The following MARVELD1 variants were observed in gnomAD, a reference collection of about 807,000 sequenced individuals.
MARVELD1 encodes MARVEL domain-containing protein 1.
A neutral mutation model predicts 11.3 loss-of-function variants in MARVELD1; 7 were observed. That is an observed-to-expected ratio of 0.62 (90% confidence interval 0.35 to 1.16). The LOEUF (loss-of-function observed/expected upper bound fraction) is 1.16. Ranked by LOEUF, MARVELD1 falls within the 50% of genes most tolerant of loss-of-function variation. The pLI is 0.02. For synonymous variants in MARVELD1, 119 were observed against 121.4 expected (o/e 0.98, Z 0.13); for missense variants, 216 against 243.8 (o/e 0.89, Z 0.76).
rs921322287 is a variant in MARVELD1, at chr10:97,714,570, C to A, written c.*172C>A. 1 of 509,308 alleles carries A rather than the reference C, an allele frequency of 2.0e-6. No homozygotes were observed. Among genetic ancestry groups the A allele is most frequent in the Admixed American group, 4.2e-5 (1 of 23,780 alleles). 31.5% of individuals were successfully genotyped at this position (509,308 alleles called of 1,614,324 possible). On this transcript the variant is annotated 3_prime_UTR_variant, in exon 1 of 2. Coordinates refer to ENST00000285605, the MANE Select transcript of MARVELD1 (RefSeq NM_031484.4). The surrounding 1 kb of genome is among the most constrained non-coding windows in gnomAD (Gnocchi z 7.4). The stretch of plus-strand genomic sequence containing the variant: ...CGGGAACCCTGACGCTCAGCTCCCG[C>A]CCGACGGCAGCGCCGCCGCCGCCCA...
At chr10:97,717,060 T>A (rs1304081211) in intron 1 of MARVELD1, 134 bp from the exon 2 acceptor site, 1 of 152,266 alleles carries the variant, frequency 6.6e-6, no homozygotes, top group Non-Finnish European at 1.5e-5. Flanking sequence ...CTCATGTCTG[T>A]AATCCCAGCA....
In MARVELD1 at chr10:97,714,144, C is replaced by T; in HGVS notation, c.268C>T (p.Leu90=). 1 of 1,536,974 alleles carries T rather than the reference C, an allele frequency of 6.5e-7. No individual in the cohort carries two copies. The highest frequency in any genetic ancestry group is 2.4e-5 in the East Asian group (1 of 40,864). The change falls in exon 1 of 2, where the codon CTG becomes TTG. Residue 90 remains leucine (L), a synonymous_variant. Coordinates refer to ENST00000285605, the MANE Select transcript of MARVELD1 (RefSeq NM_031484.4). This position sits in a 1 kb window ranked among gnomAD's most constrained non-coding sequence, Gnocchi z 7.4. ...GGGCAAGCACGAGCTGGTCCCCGTG[C>T]TGGGCTCGCGCTGGCTCATGGTCAA... ...LLGKHELVPV[L]GSRWLMVNVA...
Position 97,713,917 on chromosome 10 carries a change from G to C in MARVELD1, c.41G>C (p.Arg14Pro), listed in dbSNP as rs1481234767. 1 of 1,256,064 alleles carries C rather than the reference G, an allele frequency of 8.0e-7. No homozygotes were observed. The highest frequency in any genetic ancestry group is 1.6e-5 in the African/African-American group (1 of 62,274). 77.8% of individuals were successfully genotyped at this position (1,256,064 alleles called of 1,614,324 possible). A position where few individuals can be genotyped will look rare whatever the true frequency, so the allele number is the denominator to read the frequency against. Residue 14 changes from arginine (R) to proline (P), a missense_variant, in exon 1 of 2, where the codon CGT becomes CCT. Coordinates refer to ENST00000285605, the MANE Select transcript of MARVELD1 (RefSeq NM_031484.4). This position sits in a 1 kb window ranked among gnomAD's most constrained non-coding sequence, Gnocchi z 5.7. ...CCGCGCCAGCCGCCGCCCCAGGCGC[G>C]TGCGGCCCGCGGCGCGGTGCGCCTG... ...PPPRQPPPQA[R>P]AARGAVRLQR... is the part of the protein sequence containing the mutation.
At position 97,713,979 on chromosome 10, in the gene MARVELD1, C is replaced by T; in HGVS notation, c.103C>T (p.Arg35Trp). Residue 35 changes from arginine (R) to tryptophan (W), a missense_variant, in exon 1 of 2, where the codon CGG (arginine) becomes TGG (tryptophan). Coordinates refer to ENST00000285605, the MANE Select transcript of MARVELD1 (RefSeq NM_031484.4). This position sits in a 1 kb window ranked among gnomAD's most constrained non-coding sequence, Gnocchi z 5.7. ...PFLRSPLGVL[R>W]LLQLLAGAAF... ...CCTGCGCAGCCCGCTGGGCGTGTTG[C>T]GGCTGCTGCAGCTGCTGGCCGGCGC... 1.3e-6 allele frequency: 2 copies of T among 1,534,452 alleles called. No individual in the cohort carries two copies. Among genetic ancestry groups the T allele is most frequent in the East Asian group, 2.5e-5 (1 of 40,772 alleles).
In MARVELD1 at chr10:97,714,215, C is replaced by T. The variant is rs999515553; in HGVS notation, c.339C>T (p.Thr113=). 16 of 1,536,784 alleles carry T rather than the reference C, an allele frequency of 1.0e-5. No homozygotes were observed. The African/African-American group carries it at 2.1e-4, about 20-fold the overall frequency. Residue 113 remains threonine (T), a synonymous_variant, in exon 1 of 2, where the codon ACC becomes ACT. Transcript: ENST00000285605. The surrounding 1 kb of genome is among the most constrained non-coding windows in gnomAD (Gnocchi z 7.4). ...VLAAALYGAA[T]GIMSDQMQRH... is the part of the protein sequence containing the mutation. ...CGGCCGCGCTCTACGGCGCCGCCAC[C>T]GGCATCATGAGCGACCAGATGCAGC...
chr10:97,713,821 G>T lies in MARVELD1; in HGVS notation c.-56G>T. On this transcript the variant is annotated 5_prime_UTR_variant, in exon 1 of 2. Coordinates refer to ENST00000285605, the MANE Select transcript of MARVELD1 (RefSeq NM_031484.4). This position sits in a 1 kb window ranked among gnomAD's most constrained non-coding sequence, Gnocchi z 5.7. ...GGGCCGTGCTGCCCCCGCGAGCAAGGCGCCGCCATTCCGCTGCTCGGGGCG... is the reference window on the plus strand; with the variant it reads ...GGGCCGTGCTGCCCCCGCGAGCAAGTCGCCGCCATTCCGCTGCTCGGGGCG... The T allele has an allele frequency of 3.8e-6, 1 of 265,312 alleles. No individual in the cohort carries two copies. Among genetic ancestry groups the T allele is most frequent in the Non-Finnish European group, 5.8e-6 (1 of 172,970 alleles). The allele number at this position is 265,312 out of a possible 1,614,324, so 16.4% of individuals were successfully genotyped here. A position where few individuals can be genotyped will look rare whatever the true frequency, so the allele number is the denominator to read the frequency against.
At position 97,714,299 on chromosome 10, in the gene MARVELD1, G is replaced by T. The variant is rs968559664; in HGVS notation, c.423G>T (p.Leu141=). 1.2e-5 allele frequency: 19 copies of T among 1,536,162 alleles called. No homozygotes were observed. Among genetic ancestry groups the T allele is most frequent in the Admixed American group, 7.8e-5 (4 of 50,982 alleles). ...TCCCCTGCGCCTACCACGCCTTCCT[G>T]GCGGCCGCCGTCTGCGGCGGCGTCT... is the stretch of plus-strand genomic sequence containing the variant. ...YPLPCAYHAF[L]AAAVCGGVCH... The change falls in exon 1 of 2, where the codon CTG becomes CTT. Residue 141 remains leucine (L), a synonymous_variant. Transcript: ENST00000285605. This position sits in a 1 kb window ranked among gnomAD's most constrained non-coding sequence, Gnocchi z 7.4.
Position 97,714,168 on chromosome 10 carries a change from A to G in MARVELD1, c.292A>G (p.Asn98Asp). 1 of 1,536,650 alleles carries G rather than the reference A, an allele frequency of 6.5e-7. No individual in the cohort carries two copies. Among genetic ancestry groups the G allele is most frequent in the Non-Finnish European group, 8.7e-7 (1 of 1,146,630 alleles). ...PVLGSRWLMVNVAHDVLAAAL... is the reference protein window; with the variant it reads ...PVLGSRWLMVDVAHDVLAAAL... ...GCTGGGCTCGCGCTGGCTCATGGTC[A>G]ACGTGGCGCACGATGTGCTGGCGGC... The change falls in exon 1 of 2, where the codon AAC becomes GAC. Residue 98 changes from asparagine (N) to aspartate (D), a missense_variant. By Grantham distance (23) the Asn-to-Asp change is conservative (BLOSUM62 1). Transcript: ENST00000285605. The surrounding 1 kb of genome is among the most constrained non-coding windows in gnomAD (Gnocchi z 7.4).
rs1164527869 is a variant in MARVELD1, at chr10:97,714,777, G to C, written c.*379G>C. On this transcript the variant is annotated 3_prime_UTR_variant, in exon 1 of 2. Coordinates refer to ENST00000285605, the MANE Select transcript of MARVELD1 (RefSeq NM_031484.4). The surrounding 1 kb of genome is among the most constrained non-coding windows in gnomAD (Gnocchi z 7.4). Reference sequence around the variant, plus strand: ...GGACAGGGGCCGCGCAGATCCGGGGGAGGCTCCCAAATTGGAACCAGGCTT... The same window carrying C: ...GGACAGGGGCCGCGCAGATCCGGGGCAGGCTCCCAAATTGGAACCAGGCTT... 5.3e-6 allele frequency: 1 copy of C among 187,992 alleles called. No individual in the cohort carries two copies. The highest frequency in any genetic ancestry group is 1.1e-5 in the Non-Finnish European group (1 of 92,822). The allele number at this position is 187,992 out of a possible 1,614,324, so 11.6% of individuals were successfully genotyped here.
At position 97,714,520 on chromosome 10, in the gene MARVELD1, C is replaced by T; in HGVS notation, c.*122C>T. 1 of 715,404 alleles carries T rather than the reference C, an allele frequency of 1.4e-6. No individual in the cohort carries two copies. The highest frequency in any genetic ancestry group is 2.1e-6 in the Non-Finnish European group (1 of 469,732). 44.3% of individuals were successfully genotyped at this position (715,404 alleles called of 1,614,324 possible). ...GCCCTGGCACCCTCTCCCTGCCCTC[C>T]AGCGTTTCCACTGTCGCCCGCGCCC... On this transcript the variant is annotated 3_prime_UTR_variant, in exon 1 of 2. Transcript: ENST00000285605. This position sits in a 1 kb window ranked among gnomAD's most constrained non-coding sequence, Gnocchi z 7.4.
In MARVELD1 at chr10:97,715,041, C is replaced by G. The variant is rs938435734; in HGVS notation, c.*643C>G. 1.3e-5 allele frequency: 2 copies of G among 152,526 alleles called. No homozygotes were observed. The highest frequency in any genetic ancestry group is 4.8e-5 in the African/African-American group (2 of 41,460). 9.4% of individuals were successfully genotyped at this position (152,526 alleles called of 1,614,324 possible). On this transcript the variant is annotated 3_prime_UTR_variant, in exon 1 of 2. Coordinates refer to ENST00000285605, the MANE Select transcript of MARVELD1 (RefSeq NM_031484.4). Reference sequence around the variant, plus strand: ...CGGTTGTCTTGGGGTGGGGCCCATCCGCCGAGGTGGGGACCGATAGGAGAA... The same window carrying G: ...CGGTTGTCTTGGGGTGGGGCCCATCGGCCGAGGTGGGGACCGATAGGAGAA...
At position 97,715,094 on chromosome 10, in the gene MARVELD1, G is replaced by A. The variant is rs1193389969; in HGVS notation, c.*696G>A. 1 of 152,568 alleles carries A rather than the reference G, an allele frequency of 6.6e-6. No homozygotes were observed. Among genetic ancestry groups the A allele is most frequent in the African/African-American group, 2.4e-5 (1 of 41,460 alleles). The allele number at this position is 152,568 out of a possible 1,614,324, so 9.5% of individuals were successfully genotyped here. ...CGGTGGGTTGTACCCTTACACTTGT[G>A]GAGTCTCCTCTTGCCTCTACCTACT... On this transcript the variant is annotated 3_prime_UTR_variant, in exon 1 of 2. Transcript: ENST00000285605.
chr10:97,716,322 C>G (rs1028617952), intron 1 of MARVELD1, among the ~76,000 whole-genome samples: 4 of 152,034 alleles, frequency 2.6e-5, no homozygotes, highest in Non-Finnish European at 5.9e-5. Flanking sequence ...GTAGCTGGGA[C>G]TACAGGCACA....
Position 97,714,134 on chromosome 10 carries a change from G to C in MARVELD1, c.258G>C (p.Leu86=). The C allele has an allele frequency of 6.5e-7, 1 of 1,536,976 alleles. No individual in the cohort carries two copies. Among genetic ancestry groups the C allele is most frequent in the African/African-American group, 1.4e-5 (1 of 73,138 alleles). The stretch of plus-strand genomic sequence containing the variant: ...TCACGCTGCTGGGCAAGCACGAGCT[G>C]GTCCCCGTGCTGGGCTCGCGCTGGC... ...YFLTLLGKHE[L]VPVLGSRWLM... is the part of the protein sequence containing the mutation. Residue 86 remains leucine, a synonymous_variant, in exon 1 of 2, where the codon CTG becomes CTC. Coordinates refer to ENST00000285605, the MANE Select transcript of MARVELD1 (RefSeq NM_031484.4). This position sits in a 1 kb window ranked among gnomAD's most constrained non-coding sequence, Gnocchi z 7.4.
chr10:97,715,233 C>T lies in MARVELD1; in HGVS notation c.*835C>T. On this transcript the variant is annotated 3_prime_UTR_variant, in exon 1 of 2. Transcript: ENST00000285605. ...TTCCTCACAGGCTTCTGCCGCCCCC[C>T]TCATCTCCACCCTCCCCCATATCTG... is the stretch of plus-strand genomic sequence containing the variant. 6.6e-6 allele frequency: 1 copy of T among 152,388 alleles called. No individual in the cohort carries two copies. Among genetic ancestry groups the T allele is most frequent in the Non-Finnish European group, 1.5e-5 (1 of 68,162 alleles). The allele number at this position is 152,388 out of a possible 1,614,324, so 9.4% of individuals were successfully genotyped here. A position where few individuals can be genotyped will look rare whatever the true frequency, so the allele number is the denominator to read the frequency against.
chr10:97,713,893 CGCGCCAGCCGCCGCCCCA>C lies in MARVELD1; in HGVS notation c.19_36del (p.Arg7_Gln12del). On this transcript the variant is annotated inframe_deletion, in exon 1 of 2. Coordinates refer to ENST00000285605, the MANE Select transcript of MARVELD1 (RefSeq NM_031484.4). The surrounding 1 kb of genome is among the most constrained non-coding windows in gnomAD (Gnocchi z 5.7). ...CCAGGGGCCATGCTCCCGCCGCCCC[CGCGCCAGCCGCCGCCCCA>C]GGCGCGTGCGGCCCGCGGCGCGGTG... The C allele has an allele frequency of 1.0e-6, 1 of 978,974 alleles. No individual in the cohort carries two copies. The highest frequency in any genetic ancestry group is 1.2e-6 in the Non-Finnish European group (1 of 811,214). The allele number at this position is 978,974 out of a possible 1,614,324, so 60.6% of individuals were successfully genotyped here.
intron 1 of MARVELD1, among the ~76,000 whole-genome samples, chr10:97,716,285 A>C (rs2041911837): frequency 6.6e-6 from 1 of 152,072 alleles, no homozygotes; most frequent in African/African-American, 2.4e-5. Context: ...CCCAGACTGA[A>C]GCGATCCTCT....
At position 97,715,939 on chromosome 10, in the gene MARVELD1, AG is replaced by A. The variant is rs1564788075; in HGVS notation, c.*1542del. 1 of 152,260 alleles carries A rather than the reference AG, an allele frequency of 6.6e-6. No homozygotes were observed. Among genetic ancestry groups the A allele is most frequent in the Non-Finnish European group, 1.5e-5 (1 of 68,054 alleles). 9.4% of individuals were successfully genotyped at this position (152,260 alleles called of 1,614,324 possible). A position where few individuals can be genotyped will look rare whatever the true frequency, so the allele number is the denominator to read the frequency against. On this transcript the variant is annotated 3_prime_UTR_variant, in exon 1 of 2. Coordinates refer to ENST00000285605, the MANE Select transcript of MARVELD1 (RefSeq NM_031484.4). ...GGGTGGGTCTCCCTTACCAAAGAGA[AG>A]AACCACTCTCTGGCGCTGGGGTGAC...
rs533495298 is a variant in MARVELD1 at position 97,714,107 on chromosome 10, C to G, written c.231C>G (p.Phe77Leu). The change falls in exon 1 of 2, where the codon TTC becomes TTG. Residue 77 changes from phenylalanine (F) to leucine (L), a missense_variant. Transcript: ENST00000285605. The surrounding 1 kb of genome is among the most constrained non-coding windows in gnomAD (Gnocchi z 7.4). ...GGCTGCTCACCCTGGGCCTCTACTT[C>G]CTCACGCTGCTGGGCAAGCACGAGC... is the stretch of plus-strand genomic sequence containing the variant. ...LFWLLTLGLY[F>L]LTLLGKHELV... 2 of 1,536,886 alleles carry G rather than the reference C, an allele frequency of 1.3e-6. No homozygotes were observed. The highest frequency in any genetic ancestry group is 2.7e-5 in the African/African-American group (2 of 73,036).
Sources: gnomAD v4.1 joint callset for allele counts (sites outside exome capture counted in the v4.1 genomes callset) on GRCh38, gnomAD v4.1.1 for gene constraint, Gnocchi (gnomAD v3.1) non-coding constraint, MANE v1.5 for transcripts, NCBI Gene and HGNC (gene_info 2026-07-23, HGNC 2026-07-21) for gene names.